UACA: variants seen among roughly 807,000 people sequenced by gnomAD.
UACA encodes nuclear membrane binding protein.
In UACA, 112 loss-of-function variants were observed where a neutral mutation model predicts 160.5. The ratio of observed to expected loss-of-function variants is 0.70; its 90% CI spans 0.60 to 0.82. The LOEUF is 0.82. Ranked by LOEUF, UACA falls within the 40% of genes least tolerant of loss-of-function variation. UACA has a pLI of 0.00. For synonymous variants in UACA, 557 were observed against 568.4 expected (o/e 0.98, Z 0.29); for missense variants, 1,574 against 1,614.6 (o/e 0.97, Z 0.43).
intron 3 of UACA, 74 bp from the exon 4 acceptor site, chr15:70,691,437 A>T: frequency 1.7e-6 from 2 of 1,166,722 alleles, no homozygotes; most frequent in Non-Finnish European, 1.2e-6. Flanking sequence ...TAGAAATATG[A>T]TTCTTTTTTC....
intron 17 of UACA, among the ~76,000 whole-genome samples, chr15:70,663,107 C>T (rs1444208522): frequency 1.3e-5 from 2 of 152,122 alleles, no homozygotes; most frequent in South Asian, 2.1e-4. Context: ...TTTTGCAATC[C>T]ACTCATCTGA....
At chr15:70,772,247 A>T in the UACA span, among the ~76,000 whole-genome samples, 2 of 152,072 alleles carry the variant, frequency 1.3e-5, no homozygotes, top group Non-Finnish European at 2.9e-5. Flanking sequence ...TAATCCCAGC[A>T]CTTTGGGAGG....
At chr15:70,659,401 T>TTTTTG (rs1896611617) in intron 18 of UACA, among the ~76,000 whole-genome samples, 1 of 117,412 alleles carries the variant, frequency 8.5e-6, no homozygotes, top group Non-Finnish European at 1.7e-5. Context: ...GTTTGTTTTT[T>TTTTTG]TTTTTTTTTT....
At chr15:70,682,290 A>G (rs144301184) in intron 9 of UACA, among the ~76,000 whole-genome samples, 87 of 152,342 alleles carry the variant, frequency 5.7e-4, no homozygotes, top group African/African-American at 2.0e-3. Context: ...AAATAAAAAC[A>G]CTAACAGTGG....
chr15:70,662,738 C>T, intron 17 of UACA, among the ~76,000 whole-genome samples: 1 of 152,054 alleles, frequency 6.6e-6, no homozygotes, highest in East Asian at 1.9e-4. Context: ...CTTTGACAAA[C>T]CTGACAAAAA....
intron 1 of UACA, among the ~76,000 whole-genome samples, chr15:70,744,248 C>CAAAAAAAAAA (rs5813608): frequency 3.1e-5 from 2 of 64,732 alleles, no homozygotes; most frequent in Admixed American, 1.9e-4. Context: ...GACTCTGTCT[C>CAAAAAAAAAA]AAAAAAAAAA....
intron 1 of UACA, among the ~76,000 whole-genome samples, chr15:70,705,437 G>C (rs1276406359): frequency 6.6e-6 from 1 of 152,084 alleles, no homozygotes; most frequent in African/African-American, 2.4e-5. Flanking sequence ...TCCAGAGGCT[G>C]AGGAAGGAAA....
Position 70,671,049 on chromosome 15 carries a change from G to A in UACA, c.1211C>T (p.Ala404Val), listed in dbSNP as rs112415946. The change falls in exon 15 of 19, where the codon GCA (alanine) becomes GTA (valine). Residue 404 changes from alanine (A) to valine (V), a missense_variant. By Grantham distance (64) the Ala-to-Val change is moderately conservative. Coordinates refer to ENST00000322954, the MANE Select transcript of UACA (RefSeq NM_018003.4). ...AAAAACAGTTATTACCTGTGAGTCT[G>A]CCATATACATCTGACCTTGTTTAAG... ...MLLKQGQMYM[A>V]DSQCTSPGIP... 6.4e-7 allele frequency: 1 copy of A among 1,562,800 alleles called. No individual in the cohort carries two copies. Among genetic ancestry groups the A allele is most frequent in the South Asian group, 1.2e-5 (1 of 81,876 alleles).
chr15:70,674,223 T>A (rs1348405798), intron 13 of UACA, among the ~76,000 whole-genome samples: 1 of 152,184 alleles, frequency 6.6e-6, no homozygotes, highest in Non-Finnish European at 1.5e-5. Context: ...AAGTGGGACC[T>A]GTAATTTTCT....
chr15:70,666,024 A>C (rs1000375288), intron 16 of UACA, among the ~76,000 whole-genome samples: 1 of 152,242 alleles, frequency 6.6e-6, no homozygotes, highest in African/African-American at 2.4e-5. Context: ...AAGTTAAGTT[A>C]TAAACCCTGC....
the UACA span, among the ~76,000 whole-genome samples, chr15:70,775,717 G>A: frequency 6.6e-6 from 1 of 152,184 alleles, no homozygotes; most frequent in Non-Finnish European, 1.5e-5. Context: ...GAGATTGTCA[G>A]AGTGGTCACT....
At chr15:70,772,290 G>A in the UACA span, among the ~76,000 whole-genome samples, 1 of 151,814 alleles carries the variant, frequency 6.6e-6, no homozygotes, top group Non-Finnish European at 1.5e-5. Context: ...TCAGGAGATC[G>A]AGACCATCCT....
chr15:70,747,141 G>A (rs966701190), intron 1 of UACA, among the ~76,000 whole-genome samples: 2 of 150,868 alleles, frequency 1.3e-5, no homozygotes, highest in African/African-American at 4.9e-5. Context: ...CAAAAAAAAT[G>A]TATTTTGTCA....
At chr15:70,743,610 A>C (rs1335715863) in intron 1 of UACA, among the ~76,000 whole-genome samples, 5 of 152,218 alleles carry the variant, frequency 3.3e-5, no homozygotes, top group African/African-American at 1.2e-4. Flanking sequence ...ACAATTATGC[A>C]AATTTCAAAG....
At chr15:70,686,484 C>CTTTTTTTTTT (rs59586401) in intron 7 of UACA, among the ~76,000 whole-genome samples, 3 of 104,854 alleles carry the variant, frequency 2.9e-5, no homozygotes, top group African/African-American at 6.9e-5. Flanking sequence ...AGCCAGGGTT[C>CTTTTTTTTTT]TTTTTTTTTT....
chr15:70,657,538 C>A (rs139151243), intron 18 of UACA, among the ~76,000 whole-genome samples: 1 of 152,008 alleles, frequency 6.6e-6, no homozygotes, highest in African/African-American at 2.4e-5. Flanking sequence ...GAGGTTGCAG[C>A]GAACCAAGAT....
chr15:70,696,487 A>G (rs1417961145), intron 2 of UACA, among the ~76,000 whole-genome samples: 1 of 152,210 alleles, frequency 6.6e-6, no homozygotes, highest in Admixed American at 6.5e-5. Context: ...CAGATATTAC[A>G]AGACTCAGTC....
intron 11 of UACA, among the ~76,000 whole-genome samples, chr15:70,677,699 A>T (rs914128165): frequency 3.9e-4 from 59 of 152,108 alleles, no homozygotes; most frequent in African/African-American, 1.4e-3. Flanking sequence ...TGATTTATGG[A>T]TATTTCTTGT....
chr15:70,723,124 T>C (rs564883966), intron 1 of UACA, among the ~76,000 whole-genome samples: 1 of 152,288 alleles, frequency 6.6e-6, no homozygotes, highest in South Asian at 2.1e-4. Flanking sequence ...ATAATGCTAA[T>C]AAAAACCACT....
Sources: gnomAD v4.1 joint callset for allele counts (sites outside exome capture counted in the v4.1 genomes callset) on GRCh38, gnomAD v4.1.1 for gene constraint, MANE v1.5 for transcripts, NCBI Gene and HGNC (gene_info 2026-07-23, HGNC 2026-07-21) for gene names.